TMEM132D: variants seen among roughly 807,000 people sequenced by gnomAD.
The protein encoded by TMEM132D is transmembrane protein 132D, also known as mature OL transmembrane protein.
TMEM132D carries 21 observed loss-of-function variants against 62.3 expected under a neutral mutation model. The ratio of observed to expected loss-of-function variants is 0.34; its 90% confidence interval spans 0.24 to 0.49. The LOEUF (loss-of-function observed/expected upper bound fraction) is 0.49, where lower values mean the gene tolerates loss of function less well. Ranked by LOEUF, TMEM132D falls within the 20% of genes least tolerant of loss-of-function variation. TMEM132D has a pLI of 0.99. For missense variants in TMEM132D, 1,346 were observed against 1,402.8 expected, an observed-to-expected ratio of 0.96 and a Z score of 0.65; for synonymous variants, 621 against 575.6, an observed-to-expected ratio of 1.08 and a Z score of -1.13.
At chr12:129,887,210 C>T (rs962600451) in intron 1 of TMEM132D, among the ~76,000 whole-genome samples, 4 of 152,116 alleles carry the variant, frequency 2.6e-5, no homozygotes, top group Non-Finnish European at 5.9e-5. Context: ...AGGAGAGGAG[C>T]CTGTGCAGAC....
At chr12:129,534,514 G>C (rs1464694931) in intron 2 of TMEM132D, among the ~76,000 whole-genome samples, 1 of 151,998 alleles carries the variant, frequency 6.6e-6, no homozygotes, top group Non-Finnish European at 1.5e-5. Context: ...CACACACACA[G>C]AGTTTCAAGT....
intron 3 of TMEM132D, among the ~76,000 whole-genome samples, chr12:129,394,618 G>A (rs1871371605): frequency 6.6e-6 from 1 of 152,238 alleles, no homozygotes; most frequent in African/African-American, 2.4e-5. Context: ...TGAGAAGCAG[G>A]GTCTAGCCGC....
At chr12:129,513,362 C>G (rs536679789) in intron 3 of TMEM132D, among the ~76,000 whole-genome samples, 8 of 152,240 alleles carry the variant, frequency 5.3e-5, no homozygotes, top group Admixed American at 2.6e-4. Flanking sequence ...GGATCTGCCC[C>G]CATAACCCAA....
At chr12:129,468,280 G>C (rs943534504) in intron 3 of TMEM132D, among the ~76,000 whole-genome samples, 1 of 152,062 alleles carries the variant, frequency 6.6e-6, no homozygotes, top group Non-Finnish European at 1.5e-5. Flanking sequence ...GGTGAGCAAA[G>C]AAATGAGCTC....
At chr12:129,249,691 T>C (rs1478558126) in intron 4 of TMEM132D, among the ~76,000 whole-genome samples, 1 of 152,134 alleles carries the variant, frequency 6.6e-6, no homozygotes, top group Non-Finnish European at 1.5e-5. Context: ...GGAGTCTCAG[T>C]TACAATAACA....
chr12:129,108,309 G>A (rs536814326), intron 5 of TMEM132D, among the ~76,000 whole-genome samples: 69 of 152,300 alleles, frequency 4.5e-4, no homozygotes, highest in African/African-American at 1.6e-3. Context: ...GTGGCACCTA[G>A]AAAACTTCCT....
intron 1 of TMEM132D, among the ~76,000 whole-genome samples, chr12:129,741,976 A>T (rs1376144625): frequency 6.6e-6 from 1 of 152,166 alleles, no homozygotes; most frequent in Non-Finnish European, 1.5e-5. Flanking sequence ...GTCATAACTT[A>T]TTCCCAAACT....
In TMEM132D at chr12:129,875,615, G is replaced by A. The variant is rs556103173; in HGVS notation, c.79+27646C>T. On this transcript the variant is annotated intron_variant, in intron 1 of 8. Coordinates refer to ENST00000422113, the MANE Select transcript of TMEM132D (RefSeq NM_133448.3). Reference sequence around the variant, plus strand: ...AGCAGGCATGGCGGGGAAGAGAGGCGTGGCCTCTGTGGCTACTCTGTGGCC... The same window carrying A: ...AGCAGGCATGGCGGGGAAGAGAGGCATGGCCTCTGTGGCTACTCTGTGGCC... Among the ~76,000 whole-genome samples, 64 of 152,210 alleles carry A rather than the reference G, an allele frequency of 4.2e-4. 2 individuals carry two copies. The South Asian group carries it at 6.7e-3, about 16-fold the overall frequency.
intron 5 of TMEM132D, among the ~76,000 whole-genome samples, chr12:129,147,298 A>ATATATACATGTGCATATGTATG (rs1214564113): frequency 6.7e-6 from 1 of 150,278 alleles, no homozygotes; most frequent in African/African-American, 2.4e-5. Context: ...GCATATGTAT[A>ATATATACATGTGCATATGTATG]TATATACATA....
At chr12:129,645,912 G>A (rs1373271843) in intron 2 of TMEM132D, among the ~76,000 whole-genome samples, 2 of 152,114 alleles carry the variant, frequency 1.3e-5, no homozygotes, top group African/African-American at 4.8e-5. Context: ...TCTAAAAGGG[G>A]GTAGAACCCT....
At chr12:129,828,554 A>G (rs751583504) in intron 1 of TMEM132D, among the ~76,000 whole-genome samples, 2 of 150,258 alleles carry the variant, frequency 1.3e-5, no homozygotes, top group East Asian at 4.0e-4. Flanking sequence ...AATTAAATTC[A>G]TGTTATTATT....
chr12:129,407,940 T>C (rs1393607539), intron 3 of TMEM132D, among the ~76,000 whole-genome samples: 2 of 151,218 alleles, frequency 1.3e-5, no homozygotes, highest in Non-Finnish European at 2.9e-5. Flanking sequence ...AGATGGACAG[T>C]GGTTTCCATA....
At chr12:129,329,139 C>G (rs1163317702) in intron 4 of TMEM132D, among the ~76,000 whole-genome samples, 1 of 151,852 alleles carries the variant, frequency 6.6e-6, no homozygotes, top group East Asian at 1.9e-4. Context: ...TCCTGCCTAC[C>G]CTGACCTCAT....
chr12:129,409,909 A>G (rs1243427679), intron 3 of TMEM132D, among the ~76,000 whole-genome samples: 1 of 152,204 alleles, frequency 6.6e-6, no homozygotes, highest in Non-Finnish European at 1.5e-5. Flanking sequence ...ACTCTGCTTG[A>G]TGGGGACTAT....
intron 5 of TMEM132D, among the ~76,000 whole-genome samples, chr12:129,135,144 A>G (rs1876521379): frequency 6.6e-6 from 1 of 152,180 alleles, no homozygotes; most frequent in Admixed American, 6.5e-5. Context: ...GTCAAGATGG[A>G]GAGGTTGGGA....
chr12:129,077,706 CACACATACAA>C (rs1874314009), intron 8 of TMEM132D, among the ~76,000 whole-genome samples: 1 of 151,950 alleles, frequency 6.6e-6, no homozygotes, highest in African/African-American at 2.4e-5. Flanking sequence ...CACACATATG[CACACATACAA>C]ACAACAAATA....
intron 3 of TMEM132D, among the ~76,000 whole-genome samples, chr12:129,397,918 A>G (rs1056827611): frequency 3.3e-5 from 5 of 152,196 alleles, no homozygotes; most frequent in Non-Finnish European, 5.9e-5. Flanking sequence ...CTTTGCAACT[A>G]GGGACTTTTC....
intron 4 of TMEM132D, among the ~76,000 whole-genome samples, chr12:129,243,545 AT>A (rs1311913503): frequency 1.3e-5 from 2 of 151,884 alleles, no homozygotes; most frequent in East Asian, 1.9e-4. Context: ...TGTAAACAAT[AT>A]TTTTTTTGCA....
intron 1 of TMEM132D, among the ~76,000 whole-genome samples, chr12:129,841,933 GTT>G (rs68046668): frequency 4.4e-5 from 6 of 137,060 alleles, no homozygotes; most frequent in Non-Finnish European, 4.7e-5. Context: ...TGGTTTTCGT[GTT>G]TTTTTTTTTT....
Sources: gnomAD v4.1 joint callset for allele counts (sites outside exome capture counted in the v4.1 genomes callset) on GRCh38, gnomAD v4.1.1 for gene constraint, MANE v1.5 for transcripts, NCBI Gene and HGNC (gene_info 2026-07-23, HGNC 2026-07-21) for gene names.